RBFOX1: variants seen among roughly 807,000 people sequenced by gnomAD.
RBFOX1 encodes RNA binding protein fox-1 homolog 1.
RBFOX1 carries 8 observed loss-of-function variants against 57.7 expected under a neutral mutation model. That is an observed-to-expected ratio of 0.14 (90% CI 0.08 to 0.25). The LOEUF (loss-of-function observed/expected upper bound fraction) is 0.25. RBFOX1 is among the 10% of genes least tolerant of loss of function. The pLI, the probability that RBFOX1 is intolerant of heterozygous loss-of-function variation, is 1.00. For missense variants in RBFOX1, 611 were observed against 548.5 expected, an observed-to-expected ratio of 1.11 and a Z score of -1.14; for synonymous variants, 326 against 222.4, an observed-to-expected ratio of 1.47 and a Z score of -4.15.
chr16:5,331,433 G>A (rs1291391577), intron 1 of RBFOX1, among the ~76,000 whole-genome samples: 1 of 152,210 alleles, frequency 6.6e-6, no homozygotes, highest in Non-Finnish European at 1.5e-5. Context: ...GAGGTCAGGT[G>A]GAGGCAGAAG....
At chr16:5,598,826 G>A in intron 2 of RBFOX1, 1 of 1,123,776 alleles carries the variant, frequency 8.9e-7, no homozygotes, top group South Asian at 1.6e-5. Context: ...TGCTAAACTG[G>A]GTTACTCAAG....
At chr16:5,962,861 A>T (rs574148870) in intron 4 of RBFOX1, among the ~76,000 whole-genome samples, 19 of 142,656 alleles carry the variant, frequency 1.3e-4, no homozygotes, top group African/African-American at 4.7e-4. Context: ...AATGGTGAGT[A>T]TGTCGCCTTG....
chr16:6,330,893 G>T (rs573213984), intron 2 of RBFOX1, among the ~76,000 whole-genome samples: 1 of 152,104 alleles, frequency 6.6e-6, no homozygotes, highest in Non-Finnish European at 1.5e-5. Flanking sequence ...GCAAGACTTC[G>T]GTGGTTTTGG....
At chr16:6,135,784 A>T (rs1273760708) in intron 1 of RBFOX1, among the ~76,000 whole-genome samples, 2 of 118,788 alleles carry the variant, frequency 1.7e-5, no homozygotes, top group Non-Finnish European at 3.5e-5. Context: ...ACTCGTTTCG[A>T]CTTTTTTTTT....
At chr16:7,626,491 G>A (rs1263471154) in intron 10 of RBFOX1, among the ~76,000 whole-genome samples, 1 of 152,176 alleles carries the variant, frequency 6.6e-6, no homozygotes, top group African/African-American at 2.4e-5. Context: ...GGGCGAACGT[G>A]ACAGGCTTTG....
chr16:6,852,760 G>A (rs942967042), intron 3 of RBFOX1, among the ~76,000 whole-genome samples: 1 of 152,010 alleles, frequency 6.6e-6, no homozygotes, highest in South Asian at 2.1e-4. Flanking sequence ...TGCATGCTGG[G>A]AACTAGCTGT....
chr16:6,624,132 A>G (rs977152777), intron 2 of RBFOX1, among the ~76,000 whole-genome samples: 1 of 152,182 alleles, frequency 6.6e-6, no homozygotes, highest in African/African-American at 2.4e-5. Flanking sequence ...CTGGAAAAAC[A>G]AAATATAAGT....
At chr16:6,899,249 G>C (rs1442485391) in intron 3 of RBFOX1, among the ~76,000 whole-genome samples, 2 of 151,922 alleles carry the variant, frequency 1.3e-5, no homozygotes, top group Non-Finnish European at 2.9e-5. Context: ...GTGTATGTTT[G>C]CGTGCATGTG....
chr16:5,784,328 G>A (rs2054426152), intron 3 of RBFOX1, among the ~76,000 whole-genome samples: 2 of 152,138 alleles, frequency 1.3e-5, no homozygotes, highest in African/African-American at 2.4e-5. Context: ...TTGGGAGGCT[G>A]AGGCAGGAGA....
intron 1 of RBFOX1, among the ~76,000 whole-genome samples, chr16:5,407,230 G>C (rs1424283553): frequency 6.6e-6 from 1 of 152,090 alleles, no homozygotes; most frequent in Admixed American, 6.5e-5. Flanking sequence ...AACAGCATGG[G>C]GGAAACTGCT....
chr16:6,343,710 T>C (rs1457224013), intron 2 of RBFOX1, among the ~76,000 whole-genome samples: 1 of 152,212 alleles, frequency 6.6e-6, no homozygotes, highest in Non-Finnish European at 1.5e-5. Flanking sequence ...CAAATGCATG[T>C]CAAACTTCCT....
chr16:7,006,191 T>G (rs1378485579), intron 3 of RBFOX1, among the ~76,000 whole-genome samples: 1 of 152,086 alleles, frequency 6.6e-6, no homozygotes, highest in African/African-American at 2.4e-5. Flanking sequence ...TCACTCTGTT[T>G]GTTGCCAGGC....
intron 1 of RBFOX1, among the ~76,000 whole-genome samples, chr16:5,255,557 C>T (rs141265381): frequency 3.9e-5 from 6 of 152,122 alleles, no homozygotes; most frequent in Non-Finnish European, 7.4e-5. Flanking sequence ...ACCATCTATC[C>T]ACCCACCCGT....
At chr16:6,047,762 G>T (rs376327550) in intron 1 of RBFOX1, among the ~76,000 whole-genome samples, 1 of 152,174 alleles carries the variant, frequency 6.6e-6, no homozygotes. Context: ...GTTCAGACTT[G>T]TTTTAAAGGT....
intron 1 of RBFOX1, among the ~76,000 whole-genome samples, chr16:6,098,405 C>G (rs2096269386): frequency 6.6e-6 from 1 of 152,218 alleles, no homozygotes; most frequent in East Asian, 1.9e-4. Context: ...TCCTCTCTAT[C>G]AATGCCCACT....
intron 1 of RBFOX1, among the ~76,000 whole-genome samples, chr16:6,044,488 TAAA>T (rs35188189): frequency 2.8e-5 from 4 of 143,060 alleles, no homozygotes; most frequent in African/African-American, 5.2e-5. Context: ...TGTTTTAGGT[TAAA>T]AAAAAAAAAA....
chr16:7,426,268 C>T (rs902541578), intron 4 of RBFOX1, among the ~76,000 whole-genome samples: 4 of 152,158 alleles, frequency 2.6e-5, no homozygotes, highest in African/African-American at 9.7e-5. Flanking sequence ...GTGATCCTGG[C>T]ATCGTCTCCC....
intron 3 of RBFOX1, among the ~76,000 whole-genome samples, chr16:5,831,571 C>T (rs1279433685): frequency 6.6e-6 from 1 of 151,648 alleles, no homozygotes; most frequent in Admixed American, 6.6e-5. Flanking sequence ...CTCGCTGCAA[C>T]CTCCACCTAC....
At chr16:5,853,402 C>A (rs547620031) in intron 3 of RBFOX1, among the ~76,000 whole-genome samples, 1 of 152,154 alleles carries the variant, frequency 6.6e-6, no homozygotes, top group South Asian at 2.1e-4. Flanking sequence ...GCCCTGGGCA[C>A]GGCCTGACCT....
Sources: allele counts gnomAD v4.1 joint callset (sites outside exome capture counted in the v4.1 genomes callset), GRCh38; gene constraint gnomAD v4.1.1; transcripts MANE v1.5; gene names NCBI Gene and HGNC (gene_info 2026-07-23, HGNC 2026-07-21).